The following RIF1 variants were observed in gnomAD, a reference collection of about 807,000 sequenced individuals.
The protein encoded by RIF1 is replication timing regulatory factor 1.
RIF1 carries 45 observed loss-of-function variants against 247.1 expected under a neutral mutation model. That is an observed-to-expected ratio of 0.18 (90% CI 0.14 to 0.23). The LOEUF (loss-of-function observed/expected upper bound fraction) is 0.23. Among genes scored for constraint, RIF1 ranks in the 10% least tolerant of loss-of-function variants. The pLI, the probability that RIF1 is intolerant of heterozygous loss-of-function variation, is 1.00. For synonymous variants in RIF1, 1,087 were observed against 978.8 expected, an observed-to-expected ratio of 1.11 and a Z score of -2.06; for missense variants, 2,967 against 2,862.5, an observed-to-expected ratio of 1.04 and a Z score of -0.83.
chr2:151,439,318 A>C (rs1267779010), intron 14 of RIF1, among the ~76,000 whole-genome samples: 5 of 152,158 alleles, frequency 3.3e-5, no homozygotes, highest in Non-Finnish European at 7.3e-5. Context: ...ATTTAGAAAA[A>C]ATAAATTTTT....
rs2152497405 is a variant in RIF1, at chr2:151,463,285, C to G, written c.3765C>G (p.Thr1255=). Reference sequence around the variant, plus strand: ...TTACAGTGAAAAATAACCAGGAAACCATGATTAAAACAGATTTTCTACCAA... The same window carrying G: ...TTACAGTGAAAAATAACCAGGAAACGATGATTAAAACAGATTTTCTACCAA... ...STVTVKNNQE[T]MIKTDFLPKA... Residue 1255 remains threonine, a synonymous_variant, in exon 30 of 36, where the codon ACC becomes ACG. Transcript: ENST00000444746. 1 of 1,612,672 alleles carries G rather than the reference C, an allele frequency of 6.2e-7. No homozygotes were observed. The highest frequency in any genetic ancestry group is 8.5e-7 in the Non-Finnish European group (1 of 1,179,690).
At chr2:151,511,034 T>C (rs1018145177), downstream of RIF1, among the ~76,000 whole-genome samples, 7 of 152,198 alleles carry the variant, frequency 4.6e-5, no homozygotes, top group African/African-American at 1.7e-4. Context: ...ATTTTAGGCC[T>C]TGAGGAACCA....
chr2:151,425,681 T>TTTTG (rs1214429071), intron 8 of RIF1, among the ~76,000 whole-genome samples: 1 of 146,804 alleles, frequency 6.8e-6, no homozygotes, highest in African/African-American at 2.5e-5. Context: ...TTTTTTTTTT[T>TTTTG]TGTGAGACAG....
Position 151,502,874 on chromosome 2 carries a change from T to C in RIF1, c.*710-160T>C, listed in dbSNP as rs1401174729. ...TTGGGATTCCTTTCCCCAAATTTTC[T>C]TTGTACAAAACCTGTGAGATACAAG... On this transcript the variant is annotated intron_variant and NMD_transcript_variant, in intron 11 of 13. Coordinates refer to the RIF1 transcript ENST00000454583. 1.3e-6 allele frequency: 2 copies of C among 1,598,218 alleles called. No individual in the cohort carries two copies. Among genetic ancestry groups the C allele is most frequent in the Non-Finnish European group, 1.7e-6 (2 of 1,169,570 alleles).
intron 26 of RIF1, among the ~76,000 whole-genome samples, chr2:151,460,439 T>C (rs1695945186): frequency 1.3e-5 from 2 of 152,208 alleles, no homozygotes; most frequent in South Asian, 4.1e-4. Context: ...AGAGAAAATA[T>C]TTTAGAACTT....
the RIF1 span, chr2:151,524,283 G>C: frequency 3.8e-6 from 6 of 1,576,958 alleles, no homozygotes; most frequent in Non-Finnish European, 5.2e-6. Flanking sequence ...CCTCACATGA[G>C]AGCCACCAGT....
At chr2:151,466,874 C>T (rs1696988680) in intron 30 of RIF1, among the ~76,000 whole-genome samples, 1 of 152,304 alleles carries the variant, frequency 6.6e-6, no homozygotes, top group South Asian at 2.1e-4. Flanking sequence ...TATATACAAG[C>T]ATGAATATAT....
At chr2:151,527,434 T>G in the RIF1 span, 1 of 1,295,262 alleles carries the variant, frequency 7.7e-7, no homozygotes, top group Non-Finnish European at 1.1e-6. Flanking sequence ...ATTGTATTTC[T>G]CAGGTGCAGT....
At chr2:151,491,827 C>G in intron 9 of RIF1, 1 of 1,413,870 alleles carries the variant, frequency 7.1e-7, no homozygotes, top group Non-Finnish European at 9.7e-7. Context: ...TTTCCAATAA[C>G]TTGAAAACCA....
At chr2:151,491,652 T>A in intron 9 of RIF1, 1 of 1,485,752 alleles carries the variant, frequency 6.7e-7, no homozygotes, top group Non-Finnish European at 9.2e-7. Context: ...ATGGTGATGT[T>A]TATGTTGTAA....
At chr2:151,425,660 C>CTTTTTTTTTTTTTTTTTTTT in intron 8 of RIF1, among the ~76,000 whole-genome samples, 1 of 83,688 alleles carries the variant, frequency 1.2e-5, no homozygotes, top group Non-Finnish European at 2.1e-5. Flanking sequence ...TTGTGGTACC[C>CTTTTTTTTTTTTTTTTTTTT]TTTTTTTTTT....
intron 2 of RIF1, 132 bp from the exon 3 acceptor site, chr2:151,411,128 G>C: frequency 1.6e-6 from 1 of 629,956 alleles, no homozygotes; most frequent in Non-Finnish European, 2.8e-6. Context: ...TACCCTTAAG[G>C]ACCTTACCTA....
intron 2 of RIF1, 80 bp downstream of exon 2, chr2:151,410,607 GA>G: frequency 8.9e-7 from 1 of 1,125,608 alleles, no homozygotes; most frequent in South Asian, 1.3e-5. Flanking sequence ...GGGGCGCGTA[GA>G]ATGAATGTGA....
At chr2:151,450,373 A>G (rs1333783879) in intron 20 of RIF1, among the ~76,000 whole-genome samples, 1 of 152,134 alleles carries the variant, frequency 6.6e-6, no homozygotes, top group Non-Finnish European at 1.5e-5. Flanking sequence ...GGGATCAGGT[A>G]TCTCCCTGAT....
chr2:151,492,363 A>C (rs569781774), intron 9 of RIF1: 1 of 1,591,024 alleles, frequency 6.3e-7, no homozygotes, highest in Non-Finnish European at 8.6e-7. Context: ...GCAGCCAGCC[A>C]ATCCTAAAGA....
chr2:151,468,985 TATATC>T (rs1366728585), intron 33 of RIF1, among the ~76,000 whole-genome samples: 4 of 152,190 alleles, frequency 2.6e-5, no homozygotes, highest in African/African-American at 9.6e-5. Flanking sequence ...ATTGAACCCT[TATATC>T]ATTATCTTGT....
the RIF1 span, among the ~76,000 whole-genome samples, chr2:151,526,557 A>G: frequency 6.6e-6 from 1 of 152,198 alleles, no homozygotes; most frequent in East Asian, 1.9e-4. Flanking sequence ...TGAGCCCATT[A>G]TTATTCCGTC....
the RIF1 span, chr2:151,525,866 T>C: frequency 2.1e-6 from 2 of 962,450 alleles, no homozygotes; most frequent in South Asian, 2.6e-5. Context: ...TGAAGCTACA[T>C]AAAGGAAGCA....
chr2:151,443,503 T>A, intron 17 of RIF1, 26 bp from the exon 18 acceptor site: 1 of 1,528,446 alleles, frequency 6.5e-7, no homozygotes. Context: ...AAAAAGTTGA[T>A]GCATTTTTTA....
Sources: allele counts gnomAD v4.1 joint callset (sites outside exome capture counted in the v4.1 genomes callset), GRCh38; gene constraint gnomAD v4.1.1; transcripts MANE v1.5; gene names NCBI Gene and HGNC (gene_info 2026-07-23, HGNC 2026-07-21).